The following TMEM167A variants were observed in gnomAD, a reference collection of about 807,000 sequenced individuals.
The protein encoded by TMEM167A is protein kish-A.
TMEM167A carries 8 observed loss-of-function variants against 11.6 expected under a neutral mutation model. The ratio of observed to expected loss-of-function variants is 0.69; its 90% CI spans 0.40 to 1.24. TMEM167A has a LOEUF of 1.24. TMEM167A is among the 50% of genes most tolerant of loss of function. The pLI, the probability that TMEM167A is intolerant of heterozygous loss-of-function variation, is 0.01. For missense variants in TMEM167A, 62 were observed against 87.0 expected (o/e 0.71, Z 1.14); for synonymous variants, 22 against 28.0 (o/e 0.79, Z 0.67).
chr5:83,067,049 T>A (rs886260845), intron 1 of TMEM167A, among the ~76,000 whole-genome samples: 2 of 152,162 alleles, frequency 1.3e-5, no homozygotes, highest in African/African-American at 4.8e-5. Context: ...TTACCCAATT[T>A]CAGTTTTTTT....
intron 1 of TMEM167A, 47 bp from the exon 2 acceptor site, chr5:83,065,164 A>G (rs1231801913): frequency 5.7e-6 from 7 of 1,220,864 alleles, no homozygotes; most frequent in Non-Finnish European, 8.2e-6. Flanking sequence ...GAAAAACTGC[A>G]TAGGTAAAAA....
chr5:83,076,055 T>C (rs1465975514), intron 1 of TMEM167A, among the ~76,000 whole-genome samples: 1 of 152,228 alleles, frequency 6.6e-6, no homozygotes, highest in Non-Finnish European at 1.5e-5. Flanking sequence ...CTTAGTTATG[T>C]TGTGTTTCTA....
intron 1 of TMEM167A, among the ~76,000 whole-genome samples, chr5:83,072,879 T>C (rs1167267386): frequency 6.6e-6 from 1 of 152,190 alleles, no homozygotes. Flanking sequence ...GTGTGGTTCA[T>C]GGAACCCTTT....
intron 1 of TMEM167A, among the ~76,000 whole-genome samples, chr5:83,074,740 T>G (rs1744612970): frequency 6.6e-6 from 1 of 152,024 alleles, no homozygotes; most frequent in Non-Finnish European, 1.5e-5. Context: ...TGTGAAATCC[T>G]TGAAGACACT....
chr5:83,073,527 A>C (rs1014696615), intron 1 of TMEM167A, among the ~76,000 whole-genome samples: 1 of 152,230 alleles, frequency 6.6e-6, no homozygotes, highest in Non-Finnish European at 1.5e-5. Context: ...AAAACAAGTA[A>C]GATAGCTGGC....
chr5:83,057,908 T>C (rs899181354), intron 3 of TMEM167A, among the ~76,000 whole-genome samples: 1 of 152,110 alleles, frequency 6.6e-6, no homozygotes, highest in East Asian at 1.9e-4. Context: ...TTAACTCAAA[T>C]TGATCTTATT....
chr5:83,076,581 A>G (rs1288844060), intron 1 of TMEM167A, among the ~76,000 whole-genome samples: 1 of 152,250 alleles, frequency 6.6e-6, no homozygotes, highest in Non-Finnish European at 1.5e-5. Flanking sequence ...TTCTGTGAAC[A>G]TAGGCTCATA....
At position 83,053,014 on chromosome 5, in the gene TMEM167A, A is replaced by T. The variant is rs550140028; in HGVS notation, c.*4070T>A. 6.6e-6 allele frequency: 1 copy of T among 152,040 alleles called. No homozygotes were observed. The highest frequency in any genetic ancestry group is 2.1e-4 in the South Asian group (1 of 4,828). 9.4% of individuals were successfully genotyped at this position (152,040 alleles called of 1,614,324 possible). On this transcript the variant is annotated 3_prime_UTR_variant, in exon 4 of 4. Transcript: ENST00000502346. Reference sequence around the variant, plus strand: ...TTTGGAGATTAGCTTAGGGCAAAGTAAAAGTCATGGAAGGCAGTGTATAAA... The same window carrying T: ...TTTGGAGATTAGCTTAGGGCAAAGTTAAAGTCATGGAAGGCAGTGTATAAA...
At chr5:83,075,957 A>G (rs182874425) in intron 1 of TMEM167A, among the ~76,000 whole-genome samples, 1 of 152,162 alleles carries the variant, frequency 6.6e-6, no homozygotes, top group East Asian at 1.9e-4. Flanking sequence ...GGAATAAAAA[A>G]CCACCTGCCA....
chr5:83,077,305 G>C lies in TMEM167A; in HGVS notation c.3+16C>G. ...TTCTCGAAGATCAACCGCGACCTGG[G>C]AGCCCCACTTCTTACCATAGCGAGG... On this transcript the variant is annotated intron_variant, in intron 1 of 3. Transcript: ENST00000502346. The C allele has an allele frequency of 6.2e-7, 1 of 1,614,162 alleles. No homozygotes were observed. The highest frequency in any genetic ancestry group is 8.5e-7 in the Non-Finnish European group (1 of 1,180,000).
rs182324590 is a variant in TMEM167A at position 83,060,716 on chromosome 5, A to G, written c.148+1161T>C. Among the ~76,000 whole-genome samples the G allele has an allele frequency of 5.2e-3, 786 of 152,120 alleles. 7 individuals are homozygous for G. Among genetic ancestry groups the G allele is most frequent in the African/African-American group, 0.018 (735 of 41,508 alleles). On this transcript the variant is annotated intron_variant, in intron 3 of 3. Coordinates refer to ENST00000502346, the MANE Select transcript of TMEM167A (RefSeq NM_174909.5). ...CGTGGTGGTGGGTGCCTGTAATCCC[A>G]GCTACTCGGGAGACTGAGGCAGGAG...
intron 3 of TMEM167A, among the ~76,000 whole-genome samples, chr5:83,058,318 A>T (rs990629935): frequency 1.3e-5 from 2 of 152,106 alleles, no homozygotes; most frequent in African/African-American, 2.4e-5. Flanking sequence ...AATATTATAC[A>T]CATACAAAAA....
chr5:83,060,692 G>C (rs113920633), intron 3 of TMEM167A, among the ~76,000 whole-genome samples: 59 of 151,892 alleles, frequency 3.9e-4, no homozygotes, highest in African/African-American at 1.4e-3. Flanking sequence ...TTAGCTGGGC[G>C]TGGTGGTGGG....
intron 1 of TMEM167A, among the ~76,000 whole-genome samples, chr5:83,071,124 C>G (rs192939031): frequency 2.2e-4 from 34 of 152,172 alleles, no homozygotes; most frequent in Admixed American, 1.2e-3. Context: ...ACTAAATCTA[C>G]AGTACTTTTA....
intron 1 of TMEM167A, among the ~76,000 whole-genome samples, chr5:83,073,163 GC>G (rs1318834399): frequency 6.6e-6 from 1 of 152,144 alleles, no homozygotes; most frequent in Non-Finnish European, 1.5e-5. Context: ...GTGATGTTGG[GC>G]AAGACACTTG....
intron 1 of TMEM167A, among the ~76,000 whole-genome samples, chr5:83,076,754 T>C (rs1293282311): frequency 6.6e-6 from 1 of 152,220 alleles, no homozygotes; most frequent in African/African-American, 2.4e-5. Flanking sequence ...AATAAGTACA[T>C]TAAGCTCCTA....
chr5:83,073,962 C>G (rs1744600154), intron 1 of TMEM167A, among the ~76,000 whole-genome samples: 1 of 152,224 alleles, frequency 6.6e-6, no homozygotes, highest in African/African-American at 2.4e-5. Context: ...CACTTGTTTT[C>G]AAGCTGGTCT....
chr5:83,066,767 TG>T (rs1299787467), intron 1 of TMEM167A, among the ~76,000 whole-genome samples: 3 of 151,890 alleles, frequency 2.0e-5, no homozygotes, highest in Middle Eastern at 6.8e-3. Context: ...GACGGGGTGG[TG>T]GGGGGTAGAT....
chr5:83,063,036 G>A (rs1339324645), intron 2 of TMEM167A, among the ~76,000 whole-genome samples: 1 of 151,870 alleles, frequency 6.6e-6, no homozygotes, highest in African/African-American at 2.4e-5. Context: ...AAACTGCTAT[G>A]AACTGGAATA....
Sources: gnomAD v4.1 joint callset for allele counts (sites outside exome capture counted in the v4.1 genomes callset) on GRCh38, gnomAD v4.1.1 for gene constraint, MANE v1.5 for transcripts, NCBI Gene and HGNC (gene_info 2026-07-23, HGNC 2026-07-21) for gene names.